The following HAUS6 variants were observed in gnomAD, a reference collection of about 807,000 sequenced individuals.
HAUS6 encodes the protein HAUS augmin like complex subunit 6.
A neutral mutation model predicts 106.8 loss-of-function variants in HAUS6; 80 were observed. That is an observed-to-expected ratio of 0.75 (90% CI 0.63 to 0.90). The LOEUF (loss-of-function observed/expected upper bound fraction) is 0.90. HAUS6 is among the 40% of genes least tolerant of loss of function. HAUS6 has a pLI of 0.00. For missense variants in HAUS6, 1,155 were observed against 1,118.1 expected (o/e 1.03, Z -0.47); for synonymous variants, 356 against 379.1 (o/e 0.94, Z 0.71).
intron 4 of HAUS6, 199 bp from the exon 5 acceptor site, chr9:19,089,758 T>C: frequency 1.8e-6 from 1 of 542,120 alleles, no homozygotes; most frequent in Non-Finnish European, 3.2e-6. Flanking sequence ...AGAAATTAAA[T>C]TAACATCACG....
intron 11 of HAUS6, among the ~76,000 whole-genome samples, chr9:19,074,209 T>C (rs1183248134): frequency 1.3e-5 from 2 of 150,476 alleles, no homozygotes; most frequent in Admixed American, 1.3e-4. Flanking sequence ...ATCGCACCAC[T>C]GCACTCCAAC....
At chr9:19,056,679 C>A in intron 16 of HAUS6, 1 of 292,070 alleles carries the variant, frequency 3.4e-6, no homozygotes, top group Non-Finnish European at 6.4e-6. Flanking sequence ...CAGCTCACTT[C>A]AGCCTCAAAC....
intron 7 of HAUS6, among the ~76,000 whole-genome samples, chr9:19,083,801 CAA>C (rs1207422147): frequency 5.5e-5 from 3 of 54,488 alleles, no homozygotes; most frequent in Admixed American, 1.9e-4. Flanking sequence ...GACTCCATCT[CAA>C]AAAAAAAAAA....
In HAUS6 at chr9:19,086,740, A is replaced by C; in HGVS notation, c.693T>G (p.Ile231Met). The change falls in exon 7 of 17, where the codon ATT becomes ATG. Residue 231 changes from isoleucine (I) to methionine (M), a missense_variant. This residue lies in a region of HAUS6 where 761 missense variants were observed against 690.0 expected (regional missense o/e 1.10). Coordinates refer to ENST00000380502, the MANE Select transcript of HAUS6 (RefSeq NM_017645.5). ...CTTTTATAAGTTGTCTCACCTTTTG[A>C]ATTTTTTCTTCCATATTACTGTGGT... ...YDDHSNMEEK[I>M]QKVRSLWASV... 1 of 1,247,378 alleles carries C rather than the reference A, an allele frequency of 8.0e-7. No individual in the cohort carries two copies. The highest frequency in any genetic ancestry group is 1.2e-6 in the Non-Finnish European group (1 of 858,598). 77.3% of individuals were successfully genotyped at this position (1,247,378 alleles called of 1,614,324 possible).
intron 5 of HAUS6, among the ~76,000 whole-genome samples, chr9:19,088,846 C>T (rs894384524): frequency 6.6e-6 from 1 of 152,118 alleles, no homozygotes; most frequent in Non-Finnish European, 1.5e-5. Context: ...CTACTGCACT[C>T]AAGCCTGGGC....
chr9:19,092,628 A>G (rs1817777299), intron 4 of HAUS6, among the ~76,000 whole-genome samples: 1 of 148,564 alleles, frequency 6.7e-6, no homozygotes, highest in African/African-American at 2.5e-5. Flanking sequence ...GAAAAAAAAA[A>G]AAAAAAAAAA....
chr9:19,076,870 G>T (rs1009537337), intron 10 of HAUS6, among the ~76,000 whole-genome samples, 166 bp from the exon 11 acceptor site: 4 of 152,104 alleles, frequency 2.6e-5, no homozygotes, highest in Non-Finnish European at 4.4e-5. Context: ...TAAAGACAGG[G>T]TCTCAGTCCC....
At chr9:19,093,408 G>A (rs1817797030) in intron 3 of HAUS6, 105 bp from the exon 4 acceptor site, 2 of 1,009,688 alleles carry the variant, frequency 2.0e-6, no homozygotes, top group South Asian at 1.4e-5. Flanking sequence ...TGCAATAGAA[G>A]TCCCACATTT....
At chr9:19,064,443 G>C (rs996495427) in intron 12 of HAUS6, among the ~76,000 whole-genome samples, 1 of 151,798 alleles carries the variant, frequency 6.6e-6, no homozygotes, top group African/African-American at 2.4e-5. Flanking sequence ...TTGCCCTTTT[G>C]GATAAATATT....
At chr9:19,062,940 A>G in intron 14 of HAUS6, 68 bp downstream of exon 14, 1 of 1,189,446 alleles carries the variant, frequency 8.4e-7, no homozygotes. Context: ...TGTTGGGATT[A>G]CAGACATGGG....
At chr9:19,096,546 C>A (rs1351274258) in intron 2 of HAUS6, 128 bp downstream of exon 2, 1 of 524,656 alleles carries the variant, frequency 1.9e-6, no homozygotes, top group Non-Finnish European at 3.2e-6. Flanking sequence ...GCCTCGATGA[C>A]GGAGTGAGAC....
At chr9:19,062,306 C>CA (rs560297727) in intron 14 of HAUS6, among the ~76,000 whole-genome samples, 1 of 151,426 alleles carries the variant, frequency 6.6e-6, no homozygotes, top group Non-Finnish European at 1.5e-5. Context: ...TTCTAATATT[C>CA]AAAAAAAAGA....
intron 12 of HAUS6, among the ~76,000 whole-genome samples, chr9:19,067,641 C>T (rs1026101200): frequency 4.6e-5 from 7 of 152,102 alleles, no homozygotes; most frequent in African/African-American, 1.2e-4. Flanking sequence ...GAGTTTCTGG[C>T]TCTTACAGAA....
Position 19,084,222 on chromosome 9 carries a change from G to A in HAUS6, c.700-1179C>T, listed in dbSNP as rs528801055. ...ATACTACAATTACACACAACAGCATGGATAAATATCATAAACAATGTTGAG... is the reference window on the plus strand; with the variant it reads ...ATACTACAATTACACACAACAGCATAGATAAATATCATAAACAATGTTGAG... On this transcript the variant is annotated intron_variant, in intron 7 of 16. Transcript: ENST00000380502. 1.8e-4 allele frequency among the ~76,000 whole-genome samples: 28 copies of A among 152,196 alleles called. No individual in the cohort carries two copies. The South Asian group carries it at 3.9e-3, about 21-fold the overall frequency.
At chr9:19,063,252 G>A in intron 13 of HAUS6, 59 bp from the exon 14 acceptor site, 1 of 1,101,840 alleles carries the variant, frequency 9.1e-7, no homozygotes, top group Non-Finnish European at 1.3e-6. Context: ...TCCTGAAGCT[G>A]TCTTCATTAG....
At chr9:19,075,940 C>T (rs1350594301) in intron 11 of HAUS6, among the ~76,000 whole-genome samples, 1 of 146,352 alleles carries the variant, frequency 6.8e-6, no homozygotes, top group Non-Finnish European at 1.5e-5. Context: ...GCCTGGGCAA[C>T]AGAGCAAGAC....
intron 5 of HAUS6, 36 bp from the exon 6 acceptor site, chr9:19,087,192 C>T (rs1449143714): frequency 8.8e-7 from 1 of 1,137,098 alleles, no homozygotes; most frequent in East Asian, 2.3e-5. Context: ...ACTATAATAC[C>T]ATTACGATTA....
At chr9:19,075,797 T>C (rs1160048259) in intron 11 of HAUS6, among the ~76,000 whole-genome samples, 1 of 148,606 alleles carries the variant, frequency 6.7e-6, no homozygotes, top group African/African-American at 2.5e-5. Context: ...CTACTAAAAA[T>C]ACAAAAAAAA....
Position 19,071,404 on chromosome 9 carries a change from A to G in HAUS6, c.1295-1104T>C, listed in dbSNP as rs1208283090. On this transcript the variant is annotated intron_variant, in intron 11 of 16. Transcript: ENST00000380502. ...GTTTCAGAAGGAAAGGATCAAAAGA[A>G]TAAGAGATAAAGTAATATTTTAAGA... Among the ~76,000 whole-genome samples the G allele has an allele frequency of 7.3e-5, 11 of 151,344 alleles. No individual in the cohort carries two copies. The East Asian group carries it at 2.1e-3, about 29-fold the overall frequency.
Sources: allele counts gnomAD v4.1 joint callset (sites outside exome capture counted in the v4.1 genomes callset), GRCh38; gene constraint gnomAD v4.1.1; regional missense constraint gnomAD v4.1.1; transcripts MANE v1.5; gene names NCBI Gene and HGNC (gene_info 2026-07-23, HGNC 2026-07-21).